ZNF787: variants seen among roughly 807,000 people sequenced by gnomAD.
ZNF787 encodes TTF-I-interacting peptide 20.
ZNF787 carries 7 observed loss-of-function variants against 16.9 expected under a neutral mutation model. The ratio of observed to expected loss-of-function variants is 0.42; its 90% confidence interval spans 0.24 to 0.78. The LOEUF (loss-of-function observed/expected upper bound fraction) is 0.78, where lower values mean the gene tolerates loss of function less well. Ranked by LOEUF, ZNF787 falls within the 30% of genes least tolerant of loss-of-function variation. The pLI is 0.30. For synonymous variants in ZNF787, 345 were observed against 270.9 expected (o/e 1.27, Z -2.69); for missense variants, 551 against 589.3 (o/e 0.94, Z 0.67).
chr19:56,096,414 G>C (rs1181589458), intron 2 of ZNF787, among the ~76,000 whole-genome samples: 1 of 151,722 alleles, frequency 6.6e-6, no homozygotes, highest in African/African-American at 2.4e-5. Flanking sequence ...GCAAGACCCT[G>C]TCTCCAAAAA....
chr19:56,109,136 A>C (rs763845156), intron 1 of ZNF787, among the ~76,000 whole-genome samples: 5 of 152,114 alleles, frequency 3.3e-5, no homozygotes, highest in Non-Finnish European at 7.4e-5. Flanking sequence ...TCTTATGTTC[A>C]TTTTCCTAAT....
chr19:56,117,918 G>A (rs541357926), intron 1 of ZNF787, among the ~76,000 whole-genome samples: 1 of 152,340 alleles, frequency 6.6e-6, no homozygotes, highest in South Asian at 2.1e-4. Context: ...CTCGAAACAG[G>A]GGGGCCAGAT....
intron 1 of ZNF787, among the ~76,000 whole-genome samples, chr19:56,112,878 T>TGGG (rs2030021420): frequency 1.6e-5 from 2 of 126,456 alleles, no homozygotes; most frequent in South Asian, 2.9e-4. Context: ...GACCAGCCGT[T>TGGG]CCCCCCACCC....
At position 56,087,758 on chromosome 19, in the gene ZNF787, A is replaced by G; in HGVS notation, c.*265T>C. The G allele has an allele frequency of 2.6e-6, 1 of 377,996 alleles. No individual in the cohort carries two copies. 23.4% of individuals were successfully genotyped at this position (377,996 alleles called of 1,614,324 possible). A position where few individuals can be genotyped will look rare whatever the true frequency, so the allele number is the denominator to read the frequency against. On this transcript the variant is annotated 3_prime_UTR_variant, in exon 3 of 3. Coordinates refer to ENST00000610935, the MANE Select transcript of ZNF787 (RefSeq NM_001002836.4). ...CCACTCGGCCTCTGCAGTTCTCTCC[A>G]TTGTCTCTCCGGCTCGCAGGCCGAT...
Position 56,111,493 on chromosome 19 carries a change from C to A in ZNF787, c.-10-8266G>T, listed in dbSNP as rs533146889. Among the ~76,000 whole-genome samples, 3 of 152,174 alleles carry A rather than the reference C, an allele frequency of 2.0e-5. No individual in the cohort carries two copies. The East Asian group carries it at 5.8e-4, about 29-fold the overall frequency. On this transcript the variant is annotated intron_variant, in intron 1 of 2. Coordinates refer to ENST00000610935, the MANE Select transcript of ZNF787 (RefSeq NM_001002836.4). ...AATGCCAAACACAAAACACCCTGGC[C>A]GACCCAGAGACCTCCAGGAAAGGAA...
rs59275682 is a variant in ZNF787, at chr19:56,105,065, T to G, written c.-10-1838A>C. Reference sequence around the variant, plus strand: ...ATTGCTGAAACCCAGGAGGCAGAGGTTGCAGTGAGGAGAGATCACACTCCA... The same window carrying G: ...ATTGCTGAAACCCAGGAGGCAGAGGGTGCAGTGAGGAGAGATCACACTCCA... On this transcript the variant is annotated intron_variant, in intron 1 of 2. Coordinates refer to ENST00000610935, the MANE Select transcript of ZNF787 (RefSeq NM_001002836.4). Among the ~76,000 whole-genome samples, 92 of 151,994 alleles carry G rather than the reference T, an allele frequency of 6.1e-4. 3 individuals carry two copies. The highest frequency in any genetic ancestry group is 2.0e-3 in the African/African-American group (84 of 41,442).
At chr19:56,093,222 G>A (rs1985728667) in intron 2 of ZNF787, among the ~76,000 whole-genome samples, 1 of 151,400 alleles carries the variant, frequency 6.6e-6, no homozygotes, top group South Asian at 2.1e-4. Flanking sequence ...GCAGAAGTGG[G>A]ATATTCCATA....
chr19:56,095,286 C>G lies in ZNF787; in HGVS notation c.80-6194G>C, dbSNP rs1017737797. Among the ~76,000 whole-genome samples the G allele has an allele frequency of 3.7e-4, 56 of 152,286 alleles. 1 individual carries two copies. The highest frequency in any genetic ancestry group is 1.5e-5 in the Non-Finnish European group (1 of 68,030). ...GTGTGGCCCAGTTCCTAACAGGCCA[C>G]GGAGCAGCACCAGTACCAAGGACTG... On this transcript the variant is annotated intron_variant, in intron 2 of 2. Transcript: ENST00000610935.
intron 2 of ZNF787, among the ~76,000 whole-genome samples, chr19:56,097,381 A>G (rs190764424): frequency 5.8e-4 from 89 of 152,358 alleles, no homozygotes; most frequent in African/African-American, 2.0e-3. Context: ...CAGAAAGAAC[A>G]CTGGCTTTGT....
Position 56,087,974 on chromosome 19 carries a change from CCCG to C in ZNF787, c.*46_*48del. On this transcript the variant is annotated 3_prime_UTR_variant, in exon 3 of 3. Coordinates refer to ENST00000610935, the MANE Select transcript of ZNF787 (RefSeq NM_001002836.4). ...TCTCTTGGTCTTGCACGTCGTCGCT[CCCG>C]CCAAGCCCGAGGGGCCCTGCCCGCC... 8 of 1,299,618 alleles carry C rather than the reference CCCG, an allele frequency of 6.2e-6. No individual in the cohort carries two copies. Among genetic ancestry groups the C allele is most frequent in the Non-Finnish European group, 7.8e-6 (8 of 1,026,630 alleles). 80.5% of individuals were successfully genotyped at this position (1,299,618 alleles called of 1,614,324 possible). A position where few individuals can be genotyped will look rare whatever the true frequency, so the allele number is the denominator to read the frequency against.
At chr19:56,116,082 C>A (rs2631637) in intron 1 of ZNF787, among the ~76,000 whole-genome samples, 138,295 of 151,838 alleles carry the variant, frequency 0.91, 63,684 homozygotes, top group Non-Finnish European at 0.99. Flanking sequence ...AGGGTGCAGG[C>A]GGATATGGGA....
intron 1 of ZNF787, among the ~76,000 whole-genome samples, chr19:56,109,027 G>A (rs1397338530): frequency 1.3e-5 from 2 of 152,166 alleles, no homozygotes; most frequent in Non-Finnish European, 2.9e-5. Context: ...GGTGGGTGGA[G>A]TCACCCCTCC....
chr19:56,097,067 G>A (rs1336822977), intron 2 of ZNF787, among the ~76,000 whole-genome samples: 4 of 152,104 alleles, frequency 2.6e-5, no homozygotes, highest in East Asian at 1.9e-4. Flanking sequence ...CAGGAGCCCC[G>A]GCCTCAGCCT....
intron 2 of ZNF787, chr19:56,102,015 C>A (rs533337085): frequency 6.6e-6 from 1 of 152,314 alleles, no homozygotes; most frequent in Non-Finnish European, 1.5e-5. Context: ...GTTTCTACCC[C>A]GGGACCAAGG....
At position 56,116,360 on chromosome 19, in the gene ZNF787, T is replaced by G. The variant is rs1315275200; in HGVS notation, c.-11+4812A>C. ...GGGAGGCTGAGGCAGGAGAATGGCATAAACCCAGGAGGCGGAGCTTGCAGT... is the reference window on the plus strand; with the variant it reads ...GGGAGGCTGAGGCAGGAGAATGGCAGAAACCCAGGAGGCGGAGCTTGCAGT... On this transcript the variant is annotated intron_variant, in intron 1 of 2. Transcript: ENST00000610935. 4.6e-5 allele frequency among the ~76,000 whole-genome samples: 7 copies of G among 151,938 alleles called. No individual in the cohort carries two copies. In the East Asian group the frequency reaches 1.4e-3, roughly 29 times the overall value.
chr19:56,119,701 G>C (rs1057017006), intron 1 of ZNF787, among the ~76,000 whole-genome samples: 1 of 152,248 alleles, frequency 6.6e-6, no homozygotes, highest in Non-Finnish European at 1.5e-5. Flanking sequence ...CACCAGGGAG[G>C]GGCCAGGCCG....
At chr19:56,106,205 C>G (rs977544337) in intron 1 of ZNF787, among the ~76,000 whole-genome samples, 9 of 152,228 alleles carry the variant, frequency 5.9e-5, no homozygotes, top group Non-Finnish European at 1.2e-4. Context: ...AGGAGAGGGA[C>G]AGCATCTGTT....
chr19:56,103,010 G>A (rs1367645468), intron 2 of ZNF787, 129 bp downstream of exon 2: 2 of 982,366 alleles, frequency 2.0e-6, no homozygotes, highest in East Asian at 5.0e-5. Flanking sequence ...GGGGAGGCCA[G>A]GGTCGGGTGG....
chr19:56,103,277 T>C lies in ZNF787; in HGVS notation c.-10-50A>G, dbSNP rs1037610310. 25 of 1,480,272 alleles carry C rather than the reference T, an allele frequency of 1.7e-5. No individual in the cohort carries two copies. In the Admixed American group the frequency reaches 2.1e-4, roughly 13 times the overall value. The allele number at this position is 1,480,272 out of a possible 1,614,324, so 91.7% of individuals were successfully genotyped here. The stretch of plus-strand genomic sequence containing the variant: ...GGACAGAGTTTATGGGGTGCCAGGC[T>C]GCACCGAGGGCCCTGCAGGGAGGCA... On this transcript the variant is annotated intron_variant, in intron 1 of 2. Transcript: ENST00000610935.
Sources: gnomAD v4.1 joint callset for allele counts (sites outside exome capture counted in the v4.1 genomes callset) on GRCh38, gnomAD v4.1.1 for gene constraint, MANE v1.5 for transcripts, NCBI Gene and HGNC (gene_info 2026-07-23, HGNC 2026-07-21) for gene names.